The following RASAL2 variants were observed in gnomAD, a reference collection of about 807,000 sequenced individuals.
RASAL2 encodes RAS protein activator like 2.
RASAL2 carries 58 observed loss-of-function variants against 128.9 expected under a neutral mutation model. The observed-to-expected ratio is 0.45, with a 90% confidence interval of 0.36 to 0.56. The LOEUF is 0.56. RASAL2 is among the 20% of genes least tolerant of loss of function. The pLI, the probability that RASAL2 is intolerant of heterozygous loss-of-function variation, is 0.00. For synonymous variants in RASAL2, 561 were observed against 580.8 expected (o/e 0.97, Z 0.49); for missense variants, 1,360 against 1,601.6 (o/e 0.85, Z 2.57).
intron 1 of RASAL2, among the ~76,000 whole-genome samples, chr1:178,244,865 T>C (rs1315381716): frequency 6.6e-6 from 1 of 152,168 alleles, no homozygotes; most frequent in Non-Finnish European, 1.5e-5. Flanking sequence ...CTGAGGGTGA[T>C]GGTTTCCAAC....
intron 13 of RASAL2, 47 bp from the exon 14 acceptor site, chr1:178,457,635 TG>T (rs1219252216): frequency 6.3e-7 from 1 of 1,577,976 alleles, no homozygotes; most frequent in East Asian, 2.2e-5. Context: ...ATCTTAGCCA[TG>T]TTGAAGTTGT....
At chr1:178,380,325 G>T (rs1365895966) in intron 3 of RASAL2, among the ~76,000 whole-genome samples, 1 of 151,504 alleles carries the variant, frequency 6.6e-6, no homozygotes, top group Non-Finnish European at 1.5e-5. Context: ...GAGATCAAAA[G>T]AAAAAGAAAA....
intron 3 of RASAL2, among the ~76,000 whole-genome samples, chr1:178,322,014 G>A (rs1668813094): frequency 6.6e-6 from 1 of 151,042 alleles, no homozygotes; most frequent in East Asian, 2.0e-4. Context: ...TTTTTTTTTG[G>A]TAGAGATGGG....
At chr1:178,299,006 TTAG>T (rs1356792864) in intron 2 of RASAL2, among the ~76,000 whole-genome samples, 1 of 152,114 alleles carries the variant, frequency 6.6e-6, no homozygotes, top group South Asian at 2.1e-4. Context: ...AAAATAGTTA[TTAG>T]TATTAGAGAT....
At chr1:178,122,996 A>G (rs998445047) in intron 1 of RASAL2, 14 of 152,336 alleles carry the variant, frequency 9.2e-5, no homozygotes, top group Admixed American at 5.9e-4. Context: ...TGATAACGCT[A>G]TATAATGTGT....
chr1:178,467,569 C>T (rs1647859077), intron 17 of RASAL2, 148 bp downstream of exon 17: 3 of 650,604 alleles, frequency 4.6e-6, no homozygotes, highest in Admixed American at 2.6e-5. Flanking sequence ...AAATGAGTGT[C>T]TGTGTGACCT....
At chr1:178,260,030 C>T (rs1313678388) in intron 1 of RASAL2, among the ~76,000 whole-genome samples, 1 of 151,792 alleles carries the variant, frequency 6.6e-6, no homozygotes, top group African/African-American at 2.4e-5. Context: ...TTTGTTTTGC[C>T]TTCGTCACAG....
intron 10 of RASAL2, 50 bp from the exon 11 acceptor site, chr1:178,452,366 G>A (rs144644527): frequency 2.0e-6 from 3 of 1,488,422 alleles, no homozygotes; most frequent in African/African-American, 1.4e-5. Flanking sequence ...ACTTGTGCTT[G>A]TACTGGTACT....
intron 1 of RASAL2, among the ~76,000 whole-genome samples, chr1:178,275,691 A>G (rs1008280092): frequency 6.6e-5 from 10 of 152,224 alleles, no homozygotes; most frequent in African/African-American, 2.4e-4. Flanking sequence ...TTCATGCTGA[A>G]CTGTGATGCA....
At chr1:178,284,137 T>C (rs1042376553) in intron 2 of RASAL2, among the ~76,000 whole-genome samples, 7 of 152,158 alleles carry the variant, frequency 4.6e-5, no homozygotes, top group African/African-American at 1.7e-4. Flanking sequence ...ACCCACGAGC[T>C]AGCAGTCGCA....
At chr1:178,175,437 C>CATGTGTGT (rs71567181) in intron 1 of RASAL2, among the ~76,000 whole-genome samples, 1 of 144,334 alleles carries the variant, frequency 6.9e-6, no homozygotes, top group Non-Finnish European at 1.5e-5. Flanking sequence ...TACATGGTTA[C>CATGTGTGT]GTGTGTGTGT....
chr1:178,451,436 A>C, intron 9 of RASAL2, 135 bp from the exon 10 acceptor site: 4 of 911,126 alleles, frequency 4.4e-6, no homozygotes, highest in Non-Finnish European at 6.3e-6. Context: ...TTCATGGGCC[A>C]TCTTTTGTGC....
chr1:178,245,052 T>G (rs1664707801), intron 1 of RASAL2, among the ~76,000 whole-genome samples: 1 of 152,250 alleles, frequency 6.6e-6, no homozygotes, highest in Non-Finnish European at 1.5e-5. Context: ...TGCATATGTC[T>G]TTATAGTAGA....
At chr1:178,471,498 C>CA (rs1267918467) in intron 17 of RASAL2, among the ~76,000 whole-genome samples, 1 of 152,106 alleles carries the variant, frequency 6.6e-6, no homozygotes, top group East Asian at 1.9e-4. Flanking sequence ...CATTTTATAC[C>CA]AGATGCATGG....
chr1:178,197,681 T>C (rs919386972), intron 1 of RASAL2, among the ~76,000 whole-genome samples: 1 of 152,168 alleles, frequency 6.6e-6, no homozygotes, highest in Non-Finnish European at 1.5e-5. Context: ...TCTGCCTATT[T>C]ATTCTAGAGA....
chr1:178,472,917 C>T (rs1381256638), intron 17 of RASAL2, among the ~76,000 whole-genome samples, 158 bp from the exon 18 acceptor site: 1 of 152,152 alleles, frequency 6.6e-6, no homozygotes, highest in African/African-American at 2.4e-5. Context: ...GGAAGCTGAA[C>T]CTGACCAGTG....
chr1:178,396,368 C>G (rs1673227505), intron 4 of RASAL2, among the ~76,000 whole-genome samples: 2 of 152,154 alleles, frequency 1.3e-5, no homozygotes, highest in South Asian at 4.1e-4. Context: ...TTTTAATGGG[C>G]AAGGGGAAAC....
At chr1:178,204,148 G>A (rs953080856) in intron 1 of RASAL2, among the ~76,000 whole-genome samples, 2 of 152,176 alleles carry the variant, frequency 1.3e-5, no homozygotes, top group Non-Finnish European at 2.9e-5. Context: ...CTTGTATTAA[G>A]AAAATATCTT....
chr1:178,466,942 T>A (rs911752489), intron 16 of RASAL2, among the ~76,000 whole-genome samples: 1 of 152,150 alleles, frequency 6.6e-6, no homozygotes, highest in African/African-American at 2.4e-5. Flanking sequence ...ACATACTAGG[T>A]ATAGAGTACT....
Sources: gnomAD v4.1 joint callset for allele counts (sites outside exome capture counted in the v4.1 genomes callset) on GRCh38, gnomAD v4.1.1 for gene constraint, MANE v1.5 for transcripts, NCBI Gene and HGNC (gene_info 2026-07-23, HGNC 2026-07-21) for gene names.